The following GRID2 variants were observed in gnomAD, a reference collection of about 807,000 sequenced individuals.
The protein encoded by GRID2 is glutamate receptor ionotropic, delta-2.
Under a neutral mutation model 114.8 loss-of-function variants are expected in GRID2, and 33 were observed. The ratio of observed to expected loss-of-function variants is 0.29; its 90% CI spans 0.22 to 0.38. The LOEUF is 0.38. Among genes scored for constraint, GRID2 ranks in the 10% least tolerant of loss-of-function variants. The probability of loss-of-function intolerance (pLI) is 1.00; values close to 1 mark genes in which losing one functional copy is unlikely to be tolerated. For synonymous variants in GRID2, 505 were observed against 449.9 expected (o/e 1.12, Z -1.55); for missense variants, 1,184 against 1,257.7 (o/e 0.94, Z 0.89).
At chr4:93,561,914 TTATC>T (rs1196305795) in intron 13 of GRID2, among the ~76,000 whole-genome samples, 1 of 152,166 alleles carries the variant, frequency 6.6e-6, no homozygotes, top group Non-Finnish European at 1.5e-5. Flanking sequence ...AACAGTTTAT[TTATC>T]TATTAGCCTA....
intron 2 of GRID2, among the ~76,000 whole-genome samples, chr4:92,736,889 A>G (rs1736626497): frequency 6.6e-6 from 1 of 152,098 alleles, no homozygotes; most frequent in African/African-American, 2.4e-5. Flanking sequence ...AAAGAATTCT[A>G]AAATACATCA....
chr4:93,402,049 C>A (rs2149339864), intron 9 of GRID2, among the ~76,000 whole-genome samples: 1 of 151,728 alleles, frequency 6.6e-6, no homozygotes, highest in Non-Finnish European at 1.5e-5. Flanking sequence ...TGAAGTAAAG[C>A]AATGTACTTA....
At chr4:92,460,522 C>G (rs186688056) in intron 1 of GRID2, among the ~76,000 whole-genome samples, 2 of 152,260 alleles carry the variant, frequency 1.3e-5, no homozygotes, top group Admixed American at 6.5e-5. Context: ...CTGACTCTTA[C>G]AATTGTTATT....
intron 13 of GRID2, among the ~76,000 whole-genome samples, chr4:93,546,211 A>G (rs1733194052): frequency 6.6e-6 from 1 of 152,204 alleles, no homozygotes; most frequent in Non-Finnish European, 1.5e-5. Context: ...TGGAGGAGTG[A>G]ACTAAGACCT....
chr4:92,686,754 A>C (rs977425395), intron 2 of GRID2, among the ~76,000 whole-genome samples: 1 of 152,034 alleles, frequency 6.6e-6, no homozygotes, highest in South Asian at 2.1e-4. Context: ...TATTTAAAAA[A>C]TTAGCAATGT....
chr4:93,603,710 G>C (rs1463291481), intron 13 of GRID2, among the ~76,000 whole-genome samples: 1 of 152,200 alleles, frequency 6.6e-6, no homozygotes, highest in African/African-American at 2.4e-5. Context: ...TGCAGCTGGT[G>C]ATTTGAAGTT....
At chr4:92,990,281 G>GTATATATATA (rs1424772351) in intron 2 of GRID2, among the ~76,000 whole-genome samples, 13 of 50,104 alleles carry the variant, frequency 2.6e-4, no homozygotes, top group African/African-American at 7.7e-4. Context: ...ACGTAGATAT[G>GTATATATATA]TGTGTGTATA....
chr4:92,730,137 G>T (rs1229375624), intron 2 of GRID2, among the ~76,000 whole-genome samples: 1 of 151,774 alleles, frequency 6.6e-6, no homozygotes, highest in African/African-American at 2.4e-5. Flanking sequence ...TCTTATTAAA[G>T]ATTTTTCTTT....
chr4:92,309,684 A>C (rs1725597915), intron 1 of GRID2, among the ~76,000 whole-genome samples: 1 of 151,982 alleles, frequency 6.6e-6, no homozygotes, highest in Admixed American at 6.6e-5. Flanking sequence ...GTAAGAATTT[A>C]ATGCTAGGAC....
At chr4:93,225,619 A>G (rs1210371851) in intron 7 of GRID2, among the ~76,000 whole-genome samples, 1 of 151,952 alleles carries the variant, frequency 6.6e-6, no homozygotes, top group Non-Finnish European at 1.5e-5. Flanking sequence ...AAAAATAGCT[A>G]GTCAATTGAA....
At chr4:93,436,632 G>A (rs1187648042) in intron 10 of GRID2, among the ~76,000 whole-genome samples, 1 of 152,066 alleles carries the variant, frequency 6.6e-6, no homozygotes, top group African/African-American at 2.4e-5. Context: ...ACTATCAATA[G>A]TTACATGTAC....
chr4:92,402,494 T>A (rs1730833036), intron 1 of GRID2, among the ~76,000 whole-genome samples: 1 of 152,194 alleles, frequency 6.6e-6, no homozygotes, highest in African/African-American at 2.4e-5. Context: ...GGATATTGTG[T>A]TAGCAGGCAT....
chr4:92,941,560 C>G (rs902358030), intron 2 of GRID2, among the ~76,000 whole-genome samples: 1 of 152,088 alleles, frequency 6.6e-6, no homozygotes, highest in Non-Finnish European at 1.5e-5. Flanking sequence ...ATTTGTGTCT[C>G]TATTTCCTTC....
At chr4:93,069,849 C>T (rs950178690) in intron 2 of GRID2, among the ~76,000 whole-genome samples, 1 of 152,074 alleles carries the variant, frequency 6.6e-6, no homozygotes, top group Non-Finnish European at 1.5e-5. Flanking sequence ...TCCTCACTTA[C>T]ACTTAGGCCT....
intron 13 of GRID2, among the ~76,000 whole-genome samples, chr4:93,601,440 G>T (rs1387718275): frequency 6.6e-6 from 1 of 152,018 alleles, no homozygotes; most frequent in East Asian, 1.9e-4. Flanking sequence ...TTTTCCTGGG[G>T]TTTACTCTTT....
intron 2 of GRID2, among the ~76,000 whole-genome samples, chr4:92,807,621 G>A (rs1740481201): frequency 1.3e-5 from 2 of 151,922 alleles, no homozygotes; most frequent in South Asian, 2.1e-4. Flanking sequence ...TGAGACATTG[G>A]CCAATTAATT....
chr4:92,884,998 C>G, intron 2 of GRID2: 1 of 273,572 alleles, frequency 3.7e-6, no homozygotes. Flanking sequence ...GGATTAATTA[C>G]TGCTGCACAG....
intron 8 of GRID2, among the ~76,000 whole-genome samples, chr4:93,266,643 A>C (rs1426491784): frequency 6.6e-6 from 1 of 152,076 alleles, no homozygotes; most frequent in Non-Finnish European, 1.5e-5. Context: ...CGAACTCCTG[A>C]CCTCAGGTGA....
At chr4:92,772,134 A>G (rs1162737634) in intron 2 of GRID2, among the ~76,000 whole-genome samples, 1 of 152,178 alleles carries the variant, frequency 6.6e-6, no homozygotes, top group Non-Finnish European at 1.5e-5. Flanking sequence ...TAGTTTTCCA[A>G]ATCATCTTTA....
Sources: allele counts gnomAD v4.1 joint callset (sites outside exome capture counted in the v4.1 genomes callset), GRCh38; gene constraint gnomAD v4.1.1; transcripts MANE v1.5; gene names NCBI Gene and HGNC (gene_info 2026-07-23, HGNC 2026-07-21).